The following MYOM2 variants were observed in gnomAD, a reference collection of about 807,000 sequenced individuals.
MYOM2 encodes myomesin-2.
MYOM2 carries 254 observed loss-of-function variants against 187.6 expected under a neutral mutation model. The observed-to-expected ratio is 1.35, with a 90% CI of 1.22 to 1.50. MYOM2 has a LOEUF of 1.50. Ranked by LOEUF, MYOM2 falls within the 40% of genes most tolerant of loss-of-function variation. The pLI is 0.00. For synonymous variants in MYOM2, 981 were observed against 753.8 expected (o/e 1.30, Z -4.94); for missense variants, 2,796 against 1,924.0 (o/e 1.45, Z -8.48).
At chr8:2,052,837 G>C (rs2129327624) in intron 3 of MYOM2, among the ~76,000 whole-genome samples, 2 of 152,340 alleles carry the variant, frequency 1.3e-5, no homozygotes, top group Middle Eastern at 6.8e-3. Flanking sequence ...TTAAACAGTT[G>C]TCGTGTGGAA....
chr8:2,086,497 C>CGCTGTCGTGATCTCCGCGTGGCCCCT (rs1796076192), intron 14 of MYOM2, among the ~76,000 whole-genome samples: 4 of 141,894 alleles, frequency 2.8e-5, no homozygotes, highest in African/African-American at 1.1e-4. Flanking sequence ...GTGTGGCCCC[C>CGCTGTCGTGATCTCCGCGTGGCCCCT]CACTGTCGTG....
intron 28 of MYOM2, among the ~76,000 whole-genome samples, chr8:2,120,689 A>ATATATATATATATATATATTTATAATAT: frequency 8.3e-4 from 35 of 42,356 alleles, no homozygotes; most frequent in Non-Finnish European, 9.4e-4. Context: ...ATTATATATA[A>ATATATATATATATATATATTTATAATAT]ATATATAATA....
At chr8:2,061,433 CT>C (rs1213017808) in intron 6 of MYOM2, among the ~76,000 whole-genome samples, 7 of 152,188 alleles carry the variant, frequency 4.6e-5, no homozygotes, top group Non-Finnish European at 8.8e-5. Flanking sequence ...GCCCTGTGCC[CT>C]CCCCCAGCAT....
At chr8:2,118,389 GTTT>G (rs35210938) in intron 28 of MYOM2, among the ~76,000 whole-genome samples, 1 of 152,108 alleles carries the variant, frequency 6.6e-6, no homozygotes, top group Non-Finnish European at 1.5e-5. Context: ...ATAAAAATCT[GTTT>G]TTTAAGCAGC....
At chr8:2,117,018 C>G (rs1797271635) in intron 27 of MYOM2, among the ~76,000 whole-genome samples, 2 of 152,226 alleles carry the variant, frequency 1.3e-5, no homozygotes, top group South Asian at 2.1e-4. Context: ...CCGCCTTGGC[C>G]TCCCAAAGTG....
intron 31 of MYOM2, among the ~76,000 whole-genome samples, chr8:2,127,281 G>A (rs1418493352): frequency 6.6e-6 from 1 of 152,148 alleles, no homozygotes; most frequent in Non-Finnish European, 1.5e-5. Flanking sequence ...GGGGAGGGGA[G>A]ATGGTGGTCA....
chr8:2,133,522 A>G (rs1320640575), intron 32 of MYOM2, among the ~76,000 whole-genome samples: 2 of 152,190 alleles, frequency 1.3e-5, no homozygotes, highest in African/African-American at 4.8e-5. Flanking sequence ...GTGCAGTGGC[A>G]TGATCTTTGC....
At chr8:2,100,187 T>A (rs1171498385) in intron 19 of MYOM2, among the ~76,000 whole-genome samples, 3 of 149,444 alleles carry the variant, frequency 2.0e-5, no homozygotes, top group African/African-American at 4.9e-5. Context: ...CTTCCTTCCT[T>A]CCCTCCCTGC....
intron 3 of MYOM2, among the ~76,000 whole-genome samples, chr8:2,054,396 G>A (rs1818590509): frequency 6.6e-6 from 1 of 152,154 alleles, no homozygotes; most frequent in Non-Finnish European, 1.5e-5. Flanking sequence ...CAGTCCCAGT[G>A]AAAAATGGGC....
chr8:2,073,607 A>T (rs1001112255), intron 10 of MYOM2, 107 bp downstream of exon 10: 38 of 1,328,486 alleles, frequency 2.9e-5, no homozygotes, highest in Non-Finnish European at 3.3e-5. Context: ...AGGGTGTGAG[A>T]CCACTTTGCT....
rs530362036 is a variant in MYOM2, at chr8:2,061,383, G to A, written c.653+2138G>A. Among the ~76,000 whole-genome samples, 7 of 152,300 alleles carry A rather than the reference G, an allele frequency of 4.6e-5. No homozygotes were observed. In the East Asian group the frequency reaches 7.7e-4, roughly 17 times the overall value. On this transcript the variant is annotated intron_variant, in intron 6 of 36. Transcript: ENST00000262113. ...TTGTCCCCGTCCAGCCTGGCAGAAA[G>A]TTGGGCTCTGCCTGGCTTCTCTCCC...
intron 6 of MYOM2, among the ~76,000 whole-genome samples, chr8:2,067,884 T>C (rs1221038665): frequency 6.6e-6 from 1 of 152,178 alleles, no homozygotes. Flanking sequence ...ATTCTGGATG[T>C]AGCCTCTTAT....
intron 15 of MYOM2, among the ~76,000 whole-genome samples, chr8:2,091,209 A>C (rs543418070): frequency 3.3e-5 from 5 of 151,982 alleles, no homozygotes; most frequent in South Asian, 2.1e-4. Context: ...TGCTTTTTTA[A>C]AAAAATTTTT....
At chr8:2,077,051 C>T (rs1819449894) in intron 11 of MYOM2, among the ~76,000 whole-genome samples, 1 of 152,182 alleles carries the variant, frequency 6.6e-6, no homozygotes, top group African/African-American at 2.4e-5. Context: ...GTGGCTCACG[C>T]CTGTAATCCC....
At chr8:2,046,055 C>G (rs1818301868) in intron 1 of MYOM2, among the ~76,000 whole-genome samples, 1 of 152,198 alleles carries the variant, frequency 6.6e-6, no homozygotes, top group South Asian at 2.1e-4. Context: ...TCTTGGGAGC[C>G]AAGGGCTTAG....
chr8:2,102,915 T>C, intron 21 of MYOM2, 134 bp downstream of exon 21: 1 of 682,570 alleles, frequency 1.5e-6, no homozygotes, highest in East Asian at 2.7e-5. Flanking sequence ...TATGTGTGGA[T>C]GGGTCTGTAG....
At chr8:2,091,206 T>G (rs979380634) in intron 15 of MYOM2, among the ~76,000 whole-genome samples, 2 of 151,956 alleles carry the variant, frequency 1.3e-5, no homozygotes, top group African/African-American at 4.8e-5. Context: ...TAATGCTTTT[T>G]TAAAAAAATT....
rs1819838331 is a variant in MYOM2 at position 2,085,625 on chromosome 8, C to CTGTCGTG, written c.1644+235_1644+236insTGTCGTG. On this transcript the variant is annotated intron_variant, in intron 14 of 36. Transcript: ENST00000262113. The stretch of plus-strand genomic sequence containing the variant: ...GTCGTGATCTCTGCGTGGCCCCCCA[C>CTGTCGTG]AGTCGTGATCTCTTTGTGGCCCCCC... Among the ~76,000 whole-genome samples, 2 of 10,042 alleles carry CTGTCGTG rather than the reference C, an allele frequency of 2.0e-4. 1 individual carries two copies. Among genetic ancestry groups the CTGTCGTG allele is most frequent in the Non-Finnish European group, 3.0e-4 (2 of 6,576 alleles). 6.6% of individuals were successfully genotyped at this position (10,042 alleles called of 152,430 possible).
At position 2,050,879 on chromosome 8, in the gene MYOM2, C is replaced by T; in HGVS notation, c.107+6C>T. 6.3e-7 allele frequency: 1 copy of T among 1,596,650 alleles called. No homozygotes were observed. The highest frequency in any genetic ancestry group is 1.7e-4 in the Middle Eastern group (1 of 6,038). Reference sequence around the variant, plus strand: ...GACGAATATGCGTCAAAAAAGTAAGCTGACATTCGCTGATGAGACGCGCAG... The same window carrying T: ...GACGAATATGCGTCAAAAAAGTAAGTTGACATTCGCTGATGAGACGCGCAG... On this transcript the variant is annotated splice_donor_region_variant and intron_variant, in intron 2 of 36. Transcript: ENST00000262113.
Sources: allele counts gnomAD v4.1 joint callset (sites outside exome capture counted in the v4.1 genomes callset), GRCh38; gene constraint gnomAD v4.1.1; transcripts MANE v1.5; gene names NCBI Gene and HGNC (gene_info 2026-07-23, HGNC 2026-07-21).